Variants in DIP2C observed in about 807,000 individuals in gnomAD.
DIP2C encodes disco-interacting protein 2 homolog C.
In DIP2C, 33 loss-of-function variants were observed where a neutral mutation model predicts 192.4. The observed-to-expected ratio is 0.17, with a 90% confidence interval of 0.13 to 0.23. The LOEUF (loss-of-function observed/expected upper bound fraction) is 0.23. DIP2C is among the 10% of genes least tolerant of loss of function. The probability of loss-of-function intolerance (pLI) is 1.00; values close to 1 mark genes in which losing one functional copy is unlikely to be tolerated. For synonymous variants in DIP2C, 979 were observed against 864.1 expected (o/e 1.13, Z -2.33); for missense variants, 1,537 against 2,110.1 (o/e 0.73, Z 5.32).
intron 4 of DIP2C, among the ~76,000 whole-genome samples, chr10:425,886 A>G (rs1966565795): frequency 6.6e-6 from 1 of 152,266 alleles, no homozygotes; most frequent in Admixed American, 6.5e-5. Context: ...AAGCACATTC[A>G]TGAAAAGCCA....
At chr10:345,251 G>T in intron 26 of DIP2C, 141 bp from the exon 27 acceptor site, 1 of 836,714 alleles carries the variant, frequency 1.2e-6, no homozygotes, top group Non-Finnish European at 2.0e-6. Context: ...CCCTCCTGCT[G>T]GCTAAGGTAG....
At chr10:560,471 TCTC>T (rs1320108684) in intron 1 of DIP2C, among the ~76,000 whole-genome samples, 8 of 152,104 alleles carry the variant, frequency 5.3e-5, no homozygotes, top group Non-Finnish European at 1.0e-4. Flanking sequence ...CACACAGACT[TCTC>T]ATAATGCCTG....
chr10:566,614 C>A (rs546607831), intron 1 of DIP2C, among the ~76,000 whole-genome samples: 18 of 152,358 alleles, frequency 1.2e-4, no homozygotes, highest in African/African-American at 4.3e-4. Context: ...GGCCCATGAG[C>A]CCCAGCACAC....
chr10:414,262 T>A, intron 7 of DIP2C, 152 bp from the exon 8 acceptor site: 2 of 964,968 alleles, frequency 2.1e-6, no homozygotes, highest in Non-Finnish European at 3.0e-6. Flanking sequence ...TTGGGGTCTA[T>A]ACACTAGCAT....
chr10:332,540 A>G (rs1343410856), intron 29 of DIP2C, among the ~76,000 whole-genome samples: 2 of 152,150 alleles, frequency 1.3e-5, no homozygotes, highest in Non-Finnish European at 2.9e-5. Context: ...GCCAAAATTG[A>G]TTTTTGGCAC....
At chr10:487,514 A>G (rs1175694649) in intron 1 of DIP2C, among the ~76,000 whole-genome samples, 1 of 149,284 alleles carries the variant, frequency 6.7e-6, no homozygotes, top group African/African-American at 2.5e-5. Flanking sequence ...TGACGTCTCA[A>G]CACGGAGCCA....
intron 4 of DIP2C, among the ~76,000 whole-genome samples, chr10:436,700 G>GATAT: frequency 6.8e-6 from 1 of 146,140 alleles, no homozygotes; most frequent in African/African-American, 2.6e-5. Context: ...ATGGTAGGGT[G>GATAT]GCCATGCTCC....
intron 7 of DIP2C, among the ~76,000 whole-genome samples, chr10:414,395 C>T (rs1379951592): frequency 6.6e-6 from 1 of 152,020 alleles, no homozygotes; most frequent in African/African-American, 2.4e-5. Flanking sequence ...CACACTGTGC[C>T]CAGAGGCTGG....
chr10:429,710 G>T (rs74483264), intron 4 of DIP2C, among the ~76,000 whole-genome samples: 3,024 of 151,708 alleles, frequency 0.02, 90 homozygotes, highest in African/African-American at 0.061. Flanking sequence ...TTTCTATGGA[G>T]AGCTCATTTA....
At chr10:607,761 G>GAGACAATGGAAACCTCTTCTT in intron 1 of DIP2C, among the ~76,000 whole-genome samples, 1 of 152,066 alleles carries the variant, frequency 6.6e-6, no homozygotes, top group African/African-American at 2.4e-5. Flanking sequence ...TCTGTCTTCA[G>GAGACAATGGAAACCTCTTCTT]AGACAATGGA....
At chr10:615,053 C>T (rs1188044219) in intron 1 of DIP2C, among the ~76,000 whole-genome samples, 2 of 152,242 alleles carry the variant, frequency 1.3e-5, no homozygotes, top group Non-Finnish European at 2.9e-5. Flanking sequence ...CTGCTCGTCC[C>T]ATGTGAAACA....
intron 31 of DIP2C, among the ~76,000 whole-genome samples, chr10:323,965 G>A (rs1957146476): frequency 6.6e-6 from 1 of 152,040 alleles, no homozygotes; most frequent in Non-Finnish European, 1.5e-5. Flanking sequence ...TCTAGAAAAT[G>A]AGTGTTTCCA....
rs1474183451 is a variant in DIP2C at position 611,310 on chromosome 10, C to T, written c.85+78184G>A. On this transcript the variant is annotated intron_variant, in intron 1 of 36. Coordinates refer to ENST00000280886, the MANE Select transcript of DIP2C (RefSeq NM_014974.3). ...CTGTACAGCCCACAGAACAGTATGC[C>T]GATTAAACCTTTTTTCCTTATCAAT... Among the ~76,000 whole-genome samples, 4 of 152,120 alleles carry T rather than the reference C, an allele frequency of 2.6e-5. 1 individual carries two copies. Among genetic ancestry groups the T allele is most frequent in the African/African-American group, 7.2e-5 (3 of 41,410 alleles).
chr10:611,741 G>C (rs527673982), intron 1 of DIP2C, among the ~76,000 whole-genome samples: 2 of 152,324 alleles, frequency 1.3e-5, no homozygotes, highest in African/African-American at 4.8e-5. Context: ...GCAGTGCCAT[G>C]AGAGCAGGGG....
intron 1 of DIP2C, among the ~76,000 whole-genome samples, chr10:543,517 C>T (rs1460474799): frequency 6.6e-6 from 1 of 152,248 alleles, no homozygotes; most frequent in Admixed American, 6.5e-5. Context: ...CTCACGTTTA[C>T]ATGTCCGTTT....
At chr10:493,481 T>TG (rs1844597407) in intron 1 of DIP2C, among the ~76,000 whole-genome samples, 1 of 152,150 alleles carries the variant, frequency 6.6e-6, no homozygotes, top group Non-Finnish European at 1.5e-5. Flanking sequence ...GTAGGGACAA[T>TG]GAAGCCCAGC....
chr10:580,221 A>G (rs760448844), intron 1 of DIP2C, among the ~76,000 whole-genome samples: 8 of 151,388 alleles, frequency 5.3e-5, no homozygotes, highest in African/African-American at 1.2e-4. Context: ...TAATGTATAT[A>G]TGTCAGTACA....
At chr10:321,250 G>A (rs983407985) in intron 31 of DIP2C, among the ~76,000 whole-genome samples, 2 of 152,202 alleles carry the variant, frequency 1.3e-5, no homozygotes, top group South Asian at 4.1e-4. Flanking sequence ...ATGCGGCTTC[G>A]CCCTTGAGGA....
intron 3 of DIP2C, among the ~76,000 whole-genome samples, chr10:457,095 C>T (rs538390695): frequency 1.3e-5 from 2 of 152,152 alleles, no homozygotes; most frequent in Non-Finnish European, 2.9e-5. Flanking sequence ...AATCTCAATT[C>T]TTTGACAGAT....
Sources: gnomAD v4.1 joint callset for allele counts (sites outside exome capture counted in the v4.1 genomes callset) on GRCh38, gnomAD v4.1.1 for gene constraint, MANE v1.5 for transcripts, NCBI Gene and HGNC (gene_info 2026-07-23, HGNC 2026-07-21) for gene names.